The following PRPSAP1 variants were observed in gnomAD, a reference collection of about 807,000 sequenced individuals.
The protein encoded by PRPSAP1 is phosphoribosyl pyrophosphate synthetase associated protein 1.
A neutral mutation model predicts 39.4 loss-of-function variants in PRPSAP1; 31 were observed. The ratio of observed to expected loss-of-function variants is 0.79; its 90% CI spans 0.59 to 1.06. The LOEUF is 1.06. Ranked by LOEUF, PRPSAP1 falls within the 50% of genes least tolerant of loss-of-function variation. The pLI, the probability that PRPSAP1 is intolerant of heterozygous loss-of-function variation, is 0.00. For missense variants in PRPSAP1, 430 were observed against 511.6 expected (o/e 0.84, Z 1.54); for synonymous variants, 212 against 192.6 (o/e 1.10, Z -0.83).
At chr17:76,322,053 A>G (rs755631771) in intron 7 of PRPSAP1, among the ~76,000 whole-genome samples, 74 of 152,348 alleles carry the variant, frequency 4.9e-4, no homozygotes, top group South Asian at 4.1e-4. Flanking sequence ...AGAAGCTGCA[A>G]TAAGTTACTC....
At chr17:76,347,955 A>T (rs947609956) in intron 2 of PRPSAP1, among the ~76,000 whole-genome samples, 1 of 152,166 alleles carries the variant, frequency 6.6e-6, no homozygotes, top group Non-Finnish European at 1.5e-5. Flanking sequence ...GTGATTGCTA[A>T]AAAGACTGGA....
chr17:76,330,361 A>G, intron 5 of PRPSAP1, 190 bp downstream of exon 5: 2 of 604,592 alleles, frequency 3.3e-6, no homozygotes, highest in East Asian at 5.6e-5. Flanking sequence ...CGTAGAAAAA[A>G]AATCTGTTTT....
chr17:76,349,647 G>T (rs2071546454), intron 1 of PRPSAP1, among the ~76,000 whole-genome samples: 1 of 151,278 alleles, frequency 6.6e-6, no homozygotes, highest in African/African-American at 2.4e-5. Context: ...TATAATCCCA[G>T]CTACTCAGGA....
chr17:76,332,495 C>A, intron 3 of PRPSAP1, 60 bp from the exon 4 acceptor site: 2 of 1,582,878 alleles, frequency 1.3e-6, no homozygotes, highest in Middle Eastern at 1.7e-4. Context: ...TAGAAAAGAT[C>A]TTGACTTTAT....
chr17:76,318,781 C>CTATG (rs1271191230), intron 7 of PRPSAP1, among the ~76,000 whole-genome samples: 2 of 152,120 alleles, frequency 1.3e-5, no homozygotes, highest in African/African-American at 4.8e-5. Flanking sequence ...CACTCTTTTC[C>CTATG]TATGACACAC....
intron 7 of PRPSAP1, chr17:76,314,142 TAC>T (rs2071096610): frequency 5.9e-6 from 3 of 506,134 alleles, no homozygotes; most frequent in Admixed American, 6.7e-5. Context: ...ATGAAATTAA[TAC>T]ATTTTATTTT....
intron 3 of PRPSAP1, among the ~76,000 whole-genome samples, chr17:76,339,647 A>G (rs2071414710): frequency 6.6e-6 from 1 of 151,626 alleles, no homozygotes; most frequent in Non-Finnish European, 1.5e-5. Context: ...AATACACATA[A>G]AGAAACTTCA....
chr17:76,349,612 T>C (rs1370232188), intron 1 of PRPSAP1, among the ~76,000 whole-genome samples: 1 of 151,104 alleles, frequency 6.6e-6, no homozygotes, highest in Non-Finnish European at 1.5e-5. Context: ...AATACAAAAA[T>C]TAGCTGGGTG....
At chr17:76,331,972 A>G (rs1403139538) in intron 4 of PRPSAP1, among the ~76,000 whole-genome samples, 1 of 152,212 alleles carries the variant, frequency 6.6e-6, no homozygotes, top group Admixed American at 6.5e-5. Context: ...AGATCACATA[A>G]GAATGCCAAG....
At chr17:76,351,552 T>C (rs1222384885) in intron 1 of PRPSAP1, among the ~76,000 whole-genome samples, 1 of 151,714 alleles carries the variant, frequency 6.6e-6, no homozygotes, top group Non-Finnish European at 1.5e-5. Flanking sequence ...CCAGGTGTGG[T>C]GTCGGGCATC....
chr17:76,343,033 C>T (rs1032845296), intron 3 of PRPSAP1, among the ~76,000 whole-genome samples: 30 of 152,262 alleles, frequency 2.0e-4, no homozygotes, highest in African/African-American at 7.2e-4. Context: ...GCCAAGATCA[C>T]ACCACTGCAC....
chr17:76,325,411 CAAAAAAAAAAA>C (rs761293363), intron 7 of PRPSAP1, among the ~76,000 whole-genome samples: 164 of 18,894 alleles, frequency 8.7e-3, no homozygotes, highest in South Asian at 0.022. Context: ...GACTCAGTCT[CAAAAAAAAAAA>C]AAAAAAAAAA....
chr17:76,351,680 T>G (rs1288464165), intron 1 of PRPSAP1, among the ~76,000 whole-genome samples: 1 of 152,034 alleles, frequency 6.6e-6, no homozygotes, highest in African/African-American at 2.4e-5. Flanking sequence ...CAAGACTGTC[T>G]CAAAATAAAT....
Position 76,313,851 on chromosome 17 carries a change from T to G in PRPSAP1, c.822A>C (p.Gly274=). 1 of 1,614,114 alleles carries G rather than the reference T, an allele frequency of 6.2e-7. No homozygotes were observed. Among genetic ancestry groups the G allele is most frequent in the Non-Finnish European group, 8.5e-7 (1 of 1,180,014 alleles). Residue 274 remains glycine, a synonymous_variant, in exon 8 of 10, where the codon GGA becomes GGC. Coordinates refer to ENST00000446526, the MANE Select transcript of PRPSAP1 (RefSeq NM_002766.3). ...TGATTGCGATGCGGCCTCCAACATC[T>G]CCAACTACAGTTATCGGTGGCTTCT... ...AKEKPPITVV[G]DVGGRIAIIV... is the part of the protein sequence containing the mutation.
intron 3 of PRPSAP1, among the ~76,000 whole-genome samples, chr17:76,343,071 C>G (rs545441296): frequency 1.3e-5 from 2 of 152,102 alleles, no homozygotes; most frequent in African/African-American, 4.8e-5. Flanking sequence ...AGTGAGACTC[C>G]GTCTCAAAAA....
At chr17:76,349,197 G>C (rs1302507047) in intron 1 of PRPSAP1, among the ~76,000 whole-genome samples, 1 of 151,886 alleles carries the variant, frequency 6.6e-6, no homozygotes, top group Non-Finnish European at 1.5e-5. Context: ...TCAGCTACTA[G>C]GGAGGCTGAG....
intron 3 of PRPSAP1, among the ~76,000 whole-genome samples, chr17:76,332,885 GAATAT>G (rs1598529741): frequency 6.6e-6 from 1 of 151,776 alleles, no homozygotes; most frequent in East Asian, 1.9e-4. Context: ...GGAGGTCTTG[GAATAT>G]AATTTTTTTT....
rs1246539227 is a variant in PRPSAP1 at position 76,310,759 on chromosome 17, C to T, written c.*783G>A. 6.6e-6 allele frequency: 1 copy of T among 151,576 alleles called. No homozygotes were observed. Among genetic ancestry groups the T allele is most frequent in the Non-Finnish European group, 1.5e-5 (1 of 67,938 alleles). The allele number at this position is 151,576 out of a possible 1,614,324, so 9.4% of individuals were successfully genotyped here. ...TACTCAGATTATAGGTGTGAGCCAC[C>T]ACACCTAGACTTTTTTTTTTTTTTT... On this transcript the variant is annotated 3_prime_UTR_variant, in exon 10 of 10. Transcript: ENST00000446526.
chr17:76,335,212 G>C (rs146784802), intron 3 of PRPSAP1, among the ~76,000 whole-genome samples: 1,647 of 152,110 alleles, frequency 0.011, 32 homozygotes, highest in African/African-American at 0.038. Context: ...GCCTCCCAAA[G>C]TGCTGGGATT....
Sources: gnomAD v4.1 joint callset for allele counts (sites outside exome capture counted in the v4.1 genomes callset) on GRCh38, gnomAD v4.1.1 for gene constraint, MANE v1.5 for transcripts, NCBI Gene and HGNC (gene_info 2026-07-23, HGNC 2026-07-21) for gene names.